MLXIPL: variants seen among roughly 807,000 people sequenced by gnomAD.
The protein encoded by MLXIPL is carbohydrate-responsive element-binding protein.
MLXIPL carries 49 observed loss-of-function variants against 81.5 expected under a neutral mutation model. That is an observed-to-expected ratio of 0.60 (90% confidence interval 0.48 to 0.76). MLXIPL has a LOEUF of 0.76. Ranked by LOEUF, MLXIPL falls within the 30% of genes least tolerant of loss-of-function variation. The pLI is 0.00. For synonymous variants in MLXIPL, 466 were observed against 485.5 expected, an observed-to-expected ratio of 0.96 and a Z score of 0.53; for missense variants, 1,053 against 1,167.0, an observed-to-expected ratio of 0.90 and a Z score of 1.42.
the MLXIPL span, among the ~76,000 whole-genome samples, chr7:73,639,784 C>T: frequency 6.6e-6 from 1 of 151,964 alleles, no homozygotes; most frequent in East Asian, 1.9e-4. Context: ...ATGGGCCGGG[C>T]GCAGTGGCTC....
chr7:73,630,354 A>T, the MLXIPL span, among the ~76,000 whole-genome samples: 1 of 130,964 alleles, frequency 7.6e-6, no homozygotes, highest in South Asian at 2.5e-4. Flanking sequence ...ATGCAGTGGC[A>T]TGATCTTGGG....
chr7:73,639,264 G>A, the MLXIPL span, among the ~76,000 whole-genome samples: 2 of 152,184 alleles, frequency 1.3e-5, no homozygotes, highest in Non-Finnish European at 2.9e-5. Context: ...ACATGGGACT[G>A]TATTTTGGAA....
At chr7:73,635,984 C>T in the MLXIPL span, among the ~76,000 whole-genome samples, 6 of 152,284 alleles carry the variant, frequency 3.9e-5, no homozygotes, top group Non-Finnish European at 7.3e-5. Context: ...GTGAGGCATG[C>T]CCTCCAGCAA....
Position 73,605,779 on chromosome 7 carries a change from C to G in MLXIPL, c.821-11G>C. On this transcript the variant is annotated splice_polypyrimidine_tract_variant and intron_variant, in intron 6 of 16. Transcript: ENST00000313375. ...CATTGCCGACGTAGGCTGGAGGCAGCAGTGGCGACATCAGCAGCAGCAGGC... is the reference window on the plus strand; with the variant it reads ...CATTGCCGACGTAGGCTGGAGGCAGGAGTGGCGACATCAGCAGCAGCAGGC... The G allele has an allele frequency of 6.2e-7, 1 of 1,612,326 alleles. No homozygotes were observed. Among genetic ancestry groups the G allele is most frequent in the Non-Finnish European group, 8.5e-7 (1 of 1,179,284 alleles).
intron 16 of MLXIPL, 47 bp from the exon 17 acceptor site, chr7:73,594,030 G>T: frequency 6.4e-7 from 1 of 1,550,628 alleles, no homozygotes; most frequent in South Asian, 1.1e-5. Context: ...CTGGGGTCAG[G>T]GCCCTACCCT....
chr7:73,595,899 A>G lies in MLXIPL; in HGVS notation c.2129T>C (p.Leu710Ser). 6.2e-7 allele frequency: 1 copy of G among 1,613,142 alleles called. No individual in the cohort carries two copies. Among genetic ancestry groups the G allele is most frequent in the Non-Finnish European group, 8.5e-7 (1 of 1,179,850 alleles). ...ILMLQQERAG[L>S]QEEAQQLRDE... ...CCGCAGCTGCTGGGCCTCCTCCTGC[A>G]AGCCCGCACGCTCCTGCTGTAGCAT... is the stretch of plus-strand genomic sequence containing the variant. The change falls in exon 14 of 17, where the codon TTG (leucine) becomes TCG (serine). Residue 710 changes from leucine to serine, a missense_variant. By Grantham distance (145) the Leu-to-Ser change is moderately radical. Transcript: ENST00000313375.
chr7:73,599,453 T>C, intron 8 of MLXIPL, 73 bp downstream of exon 8: 2 of 1,571,330 alleles, frequency 1.3e-6, no homozygotes, highest in South Asian at 2.2e-5. Flanking sequence ...GTCTGATACC[T>C]CCTGGACATG....
At position 73,594,272 on chromosome 7, in the gene MLXIPL, A is replaced by G; in HGVS notation, c.2440+2T>C. The G allele has an allele frequency of 6.2e-7, 1 of 1,612,044 alleles. No homozygotes were observed. The highest frequency in any genetic ancestry group is 1.1e-5 in the South Asian group (1 of 91,084). Reference sequence around the variant, plus strand: ...TAGCAGGCAGGGAGATGGCTCACGTACTTGGCCGGAGAGCGGGCAGAGAGC... The same window carrying G: ...TAGCAGGCAGGGAGATGGCTCACGTGCTTGGCCGGAGAGCGGGCAGAGAGC... On this transcript the variant is annotated splice_donor_variant, in intron 16 of 16. Transcript: ENST00000313375. LOFTEE classifies it high-confidence loss of function.
chr7:73,594,553 CTTTT>C, intron 15 of MLXIPL, 150 bp from the exon 16 acceptor site: 7 of 748,470 alleles, frequency 9.4e-6, no homozygotes, highest in South Asian at 1.9e-5. Context: ...CCTACTTCTT[CTTTT>C]TTTTTTTTTG....
chr7:73,645,029 AT>A, the MLXIPL span, among the ~76,000 whole-genome samples: 375 of 145,518 alleles, frequency 2.6e-3, no homozygotes, highest in Middle Eastern at 3.6e-3. Flanking sequence ...TGGGTAGAGC[AT>A]TTTTTTTTTT....
the MLXIPL span, among the ~76,000 whole-genome samples, chr7:73,635,533 T>TTCCA: frequency 0.053 from 8,036 of 151,462 alleles, 255 homozygotes; most frequent in Admixed American, 0.085. Context: ...CCATCTCTTC[T>TTCCA]TCCATCCATC....
chr7:73,594,041 T>G, intron 16 of MLXIPL, 58 bp from the exon 17 acceptor site: 1 of 1,512,990 alleles, frequency 6.6e-7, no homozygotes, highest in Non-Finnish European at 9.2e-7. Context: ...GCCCTACCCT[T>G]GGATGTGGAA....
intron 2 of MLXIPL, chr7:73,609,749 T>A (rs1554599382): frequency 6.6e-6 from 1 of 152,066 alleles, no homozygotes; most frequent in East Asian, 1.9e-4. Context: ...CTTGGGTACT[T>A]CGATCTCCGC....
At chr7:73,607,709 C>T (rs1554598821) in intron 2 of MLXIPL, 37 bp from the exon 3 acceptor site, 25 of 1,581,036 alleles carry the variant, frequency 1.6e-5, no homozygotes, top group Non-Finnish European at 2.2e-5. Flanking sequence ...CACCCAGCTT[C>T]CTCATCCCCC....
the MLXIPL span, among the ~76,000 whole-genome samples, chr7:73,644,545 A>G: frequency 1.3e-5 from 2 of 152,088 alleles, no homozygotes; most frequent in East Asian, 1.9e-4. Context: ...TGACTATGTG[A>G]TGTTATTGTG....
In MLXIPL at chr7:73,606,429, T is replaced by C. The variant is rs1340745636; in HGVS notation, c.619-318A>G. 9 of 150,548 alleles carry C rather than the reference T, an allele frequency of 6.0e-5. No individual in the cohort carries two copies. The South Asian group carries it at 1.5e-3, about 25-fold the overall frequency. The allele number at this position is 150,548 out of a possible 1,614,324, so 9.3% of individuals were successfully genotyped here. ...TTTGTTTGTTTTCTTTTTCTTTTTC[T>C]TTTTTTTTTTTTTGGAGACGGAGTC... On this transcript the variant is annotated intron_variant, in intron 5 of 16. Coordinates refer to ENST00000313375, the MANE Select transcript of MLXIPL (RefSeq NM_032951.3).
chr7:73,647,397 G>A, the MLXIPL span, among the ~76,000 whole-genome samples: 25 of 152,124 alleles, frequency 1.6e-4, no homozygotes, highest in Non-Finnish European at 2.5e-4. Context: ...AGGGAGGAAG[G>A]CCCTCCCTCC....
the MLXIPL span, among the ~76,000 whole-genome samples, chr7:73,647,247 G>A: frequency 6.6e-6 from 1 of 152,198 alleles, no homozygotes. Context: ...AAGCCTAGGG[G>A]CCAGAATCCA....
rs1263849305 is a variant in MLXIPL at position 73,600,708 on chromosome 7, G to A, written c.902-1013C>T. On this transcript the variant is annotated intron_variant, in intron 7 of 16. Transcript: ENST00000313375. ...GGGGTGGGGGCGAGAGGGGCCCTAA[G>A]GGTGGGCTCTGAGTGGGGTGGGGGC... 3.2e-5 allele frequency among the ~76,000 whole-genome samples: 4 copies of A among 123,186 alleles called. No homozygotes were observed. In the East Asian group the frequency reaches 8.5e-4, roughly 26 times the overall value. 80.8% of individuals were successfully genotyped at this position (123,186 alleles called of 152,430 possible).
Sources: allele counts gnomAD v4.1 joint callset (sites outside exome capture counted in the v4.1 genomes callset), GRCh38; gene constraint gnomAD v4.1.1; transcripts MANE v1.5; gene names NCBI Gene and HGNC (gene_info 2026-07-23, HGNC 2026-07-21).